FRAS1: variants seen among roughly 807,000 people sequenced by gnomAD.
FRAS1 encodes the protein Fraser extracellular matrix complex subunit 1.
FRAS1 carries 290 observed loss-of-function variants against 435.2 expected under a neutral mutation model. That is an observed-to-expected ratio of 0.67 (90% CI 0.61 to 0.73). FRAS1 has a LOEUF of 0.73. Ranked by LOEUF, FRAS1 falls within the 30% of genes least tolerant of loss-of-function variation. The pLI is 0.00. For missense variants in FRAS1, 4,860 were observed against 5,001.5 expected, an observed-to-expected ratio of 0.97 and a Z score of 0.85; for synonymous variants, 1,800 against 1,851.0, an observed-to-expected ratio of 0.97 and a Z score of 0.71.
At chr4:78,387,913 T>C (rs1732286020) in intron 29 of FRAS1, among the ~76,000 whole-genome samples, 1 of 152,214 alleles carries the variant, frequency 6.6e-6, no homozygotes, top group African/African-American at 2.4e-5. Flanking sequence ...GGGACACTTT[T>C]GAACCTTTTT....
intron 2 of FRAS1, among the ~76,000 whole-genome samples, chr4:78,200,964 A>C (rs916425957): frequency 6.7e-6 from 1 of 149,098 alleles, no homozygotes; most frequent in Non-Finnish European, 1.5e-5. Context: ...CCAAAGTGAA[A>C]ATCTTTTTCT....
chr4:78,438,548 T>C (rs1321701713), intron 38 of FRAS1, 22 bp from the exon 39 acceptor site: 2 of 1,613,428 alleles, frequency 1.2e-6, no homozygotes, highest in East Asian at 2.2e-5. Flanking sequence ...GTTCATGTCC[T>C]GCCTCATGTT....
Position 78,430,299 on chromosome 4 carries a change from G to C in FRAS1, c.4851G>C (p.Gln1617His), listed in dbSNP as rs1404205017. Residue 1617 changes from glutamine to histidine, a missense_variant, in exon 37 of 74, where the codon CAG (glutamine) becomes CAC (histidine). Coordinates refer to ENST00000512123, the MANE Select transcript of FRAS1 (RefSeq NM_025074.7). ...SPGGSTSVGL[Q>H]VVVRDAETAP... ...TCCTTCTCCTTGCTGCAGGACTTCA[G>C]GTGGTAGTAAGAGATGCTGAGACAG... 1.9e-6 allele frequency: 3 copies of C among 1,613,896 alleles called. No homozygotes were observed. In the South Asian group the frequency reaches 3.3e-5, roughly 18 times the overall value.
intron 2 of FRAS1, among the ~76,000 whole-genome samples, chr4:78,212,715 A>C (rs562203656): frequency 6.6e-6 from 1 of 152,358 alleles, no homozygotes; most frequent in Non-Finnish European, 1.5e-5. Flanking sequence ...CCTAATGAGT[A>C]CTTGAATTCA....
At chr4:78,161,686 T>G (rs1721141264) in intron 2 of FRAS1, among the ~76,000 whole-genome samples, 1 of 139,384 alleles carries the variant, frequency 7.2e-6, no homozygotes, top group Non-Finnish European at 1.5e-5. Flanking sequence ...GGTGTAATAC[T>G]GTGCTTTATT....
At chr4:78,393,672 C>G (rs1732540481) in intron 29 of FRAS1, among the ~76,000 whole-genome samples, 1 of 152,032 alleles carries the variant, frequency 6.6e-6, no homozygotes, top group South Asian at 2.1e-4. Flanking sequence ...TTGATTGACA[C>G]TTAGGTTGAT....
chr4:78,372,875 C>T lies in FRAS1; in HGVS notation c.3010+17C>T, dbSNP rs1731571800. On this transcript the variant is annotated intron_variant, in intron 24 of 73. Transcript: ENST00000512123. ...TCTGCAAGAGTAAGTGTGTAGAGGC[C>T]CTGCTCTGTGCTCAGCCATACCTTG... The T allele has an allele frequency of 6.2e-7, 1 of 1,609,800 alleles. No homozygotes were observed. Among genetic ancestry groups the T allele is most frequent in the Non-Finnish European group, 8.5e-7 (1 of 1,178,872 alleles).
chr4:78,155,324 A>T (rs1482268755), intron 2 of FRAS1, among the ~76,000 whole-genome samples: 1 of 152,190 alleles, frequency 6.6e-6, no homozygotes, highest in East Asian at 1.9e-4. Flanking sequence ...CATGCATGTA[A>T]TGTAAGAAAA....
rs923724760 is a variant in FRAS1, at chr4:78,485,452, G to A, written c.8752+2917G>A. 7.2e-5 allele frequency among the ~76,000 whole-genome samples: 11 copies of A among 152,268 alleles called. 1 individual carries two copies. Among genetic ancestry groups the A allele is most frequent in the East Asian group, 3.9e-4 (2 of 5,178 alleles). ...TAAGCAAAAATTTTCTTTCAGAAAA[G>A]CTACAGCTTTTCTTTTTCTTTCAGA... On this transcript the variant is annotated intron_variant, in intron 58 of 73. Transcript: ENST00000512123.
chr4:78,479,973 T>C (rs1289348784), intron 56 of FRAS1, among the ~76,000 whole-genome samples: 1 of 152,222 alleles, frequency 6.6e-6, no homozygotes. Flanking sequence ...TATATATTTA[T>C]GGATTATATG....
chr4:78,522,387 C>G (rs17470811), intron 68 of FRAS1, among the ~76,000 whole-genome samples: 21,248 of 152,122 alleles, frequency 0.14, 1,781 homozygotes, highest in Non-Finnish European at 0.2. Context: ...CTCATTAGCA[C>G]CATTTCCACA....
At chr4:78,318,779 A>G in intron 17 of FRAS1, 31 bp from the exon 18 acceptor site, 1 of 1,525,716 alleles carries the variant, frequency 6.6e-7, no homozygotes, top group Non-Finnish European at 8.8e-7. Context: ...TGATCCTTGG[A>G]TTATTTTCTG....
intron 70 of FRAS1, among the ~76,000 whole-genome samples, chr4:78,529,237 G>T (rs1041423012): frequency 2.6e-5 from 4 of 152,078 alleles, no homozygotes; most frequent in African/African-American, 9.7e-5. Context: ...GAAGGAAGGT[G>T]ACCAGGAAAA....
At chr4:78,327,099 A>G (rs1362552908) in intron 18 of FRAS1, among the ~76,000 whole-genome samples, 1 of 152,166 alleles carries the variant, frequency 6.6e-6, no homozygotes, top group African/African-American at 2.4e-5. Flanking sequence ...GCTGACACCT[A>G]CAATCCCAGT....
intron 58 of FRAS1, 104 bp from the exon 59 acceptor site, chr4:78,488,771 G>A: frequency 9.9e-7 from 1 of 1,010,272 alleles, no homozygotes; most frequent in South Asian, 1.6e-5. Flanking sequence ...GGGCTTTGGT[G>A]GAGCTCACCT....
At chr4:78,120,103 A>AAAAC (rs930176661) in intron 2 of FRAS1, among the ~76,000 whole-genome samples, 83 of 152,316 alleles carry the variant, frequency 5.4e-4, no homozygotes, top group African/African-American at 1.9e-3. Context: ...TATTGTTCTG[A>AAAAC]AAACAGTGTT....
chr4:78,185,663 C>T (rs1044010777), intron 2 of FRAS1, among the ~76,000 whole-genome samples: 4 of 152,136 alleles, frequency 2.6e-5, no homozygotes, highest in Non-Finnish European at 4.4e-5. Context: ...TGAGAACATG[C>T]AGTATTTTGG....
intron 2 of FRAS1, among the ~76,000 whole-genome samples, chr4:78,210,588 G>A (rs1723461971): frequency 6.6e-6 from 1 of 152,128 alleles, no homozygotes; most frequent in Non-Finnish European, 1.5e-5. Flanking sequence ...TCTGCCCCAG[G>A]CTTTTCATAT....
intron 27 of FRAS1, among the ~76,000 whole-genome samples, chr4:78,380,906 ATAT>A (rs1731988590): frequency 6.6e-6 from 1 of 152,210 alleles, no homozygotes; most frequent in African/African-American, 2.4e-5. Flanking sequence ...TTGGAAGATC[ATAT>A]TATAGGAATA....
Sources: gnomAD v4.1 joint callset for allele counts (sites outside exome capture counted in the v4.1 genomes callset) on GRCh38, gnomAD v4.1.1 for gene constraint, MANE v1.5 for transcripts, NCBI Gene and HGNC (gene_info 2026-07-23, HGNC 2026-07-21) for gene names.